Variants in KDM6A observed in about 807,000 individuals in gnomAD.
The protein encoded by KDM6A is lysine-specific demethylase 6A.
A neutral mutation model predicts 117.6 loss-of-function variants in KDM6A; 11 were observed. The ratio of observed to expected loss-of-function variants is 0.09; its 90% CI spans 0.06 to 0.15. KDM6A has a LOEUF of 0.15. Among genes scored for constraint, KDM6A ranks in the 10% least tolerant of loss-of-function variants. The pLI is 1.00. For synonymous variants in KDM6A, 384 were observed against 396.1 expected (o/e 0.97, Z 0.36); for missense variants, 799 against 1,077.3 (o/e 0.74, Z 3.62).
intron 10 of KDM6A, 97 bp from the exon 11 acceptor site, chrX:45,058,909 T>C: frequency 1.4e-6 from 1 of 701,570 alleles, no homozygotes; most frequent in Non-Finnish European, 2.2e-6. Flanking sequence ...TTTAAAAAAA[T>C]TTGCTGTGAT....
At chrX:44,968,221 G>T (rs1267188437) in intron 3 of KDM6A, among the ~76,000 whole-genome samples, 1 of 112,450 alleles carries the variant, frequency 8.9e-6, no homozygotes, top group African/African-American at 3.2e-5. Context: ...ATTGAACATG[G>T]GCCAGCCTGA....
chrX:44,986,306 CTTT>C (rs1270334757), intron 4 of KDM6A, among the ~76,000 whole-genome samples: 1 of 111,284 alleles, frequency 9.0e-6, no homozygotes, highest in Non-Finnish European at 1.9e-5. Context: ...CTCTTTTCTT[CTTT>C]ATTAGTCTTG....
intron 2 of KDM6A, among the ~76,000 whole-genome samples, chrX:44,921,596 G>A (rs2035940812): frequency 9.0e-6 from 1 of 111,296 alleles, no homozygotes; most frequent in African/African-American, 3.3e-5. Context: ...TTCTGATGGT[G>A]GCATAGTCTC....
chrX:44,906,529 G>T (rs1395079836), intron 2 of KDM6A, among the ~76,000 whole-genome samples: 4 of 109,167 alleles, frequency 3.7e-5, no homozygotes, highest in Non-Finnish European at 3.8e-5. Flanking sequence ...TCCCTTAATC[G>T]TTTAGAGGTA....
chrX:45,085,351 A>G (rs2045598903), intron 24 of KDM6A, among the ~76,000 whole-genome samples: 1 of 111,747 alleles, frequency 8.9e-6, no homozygotes, highest in Admixed American at 9.5e-5. Flanking sequence ...TTATCAGAGT[A>G]TTAAATGCAT....
At chrX:44,899,286 AG>A (rs1432930044) in intron 2 of KDM6A, among the ~76,000 whole-genome samples, 1 of 98,001 alleles carries the variant, frequency 1.0e-5, no homozygotes, top group Non-Finnish European at 2.0e-5. Context: ...ATTTAGCTCA[AG>A]TAAGATGGGT....
At chrX:45,039,307 A>C (rs894406947) in intron 8 of KDM6A, among the ~76,000 whole-genome samples, 12 of 109,598 alleles carry the variant, frequency 1.1e-4, no homozygotes, top group Non-Finnish European at 2.3e-4. Flanking sequence ...AAAGAAGCAG[A>C]AGTTTTTTTA....
intron 2 of KDM6A, among the ~76,000 whole-genome samples, chrX:44,920,855 TTC>T (rs2035880758): frequency 1.8e-5 from 2 of 108,306 alleles, no homozygotes; most frequent in Non-Finnish European, 3.9e-5. Flanking sequence ...TTTTAATTTT[TTC>T]TTTTTTTTCT....
At chrX:44,879,894 T>C (rs1357474113) in intron 2 of KDM6A, among the ~76,000 whole-genome samples, 1 of 111,928 alleles carries the variant, frequency 8.9e-6, no homozygotes, top group Non-Finnish European at 1.9e-5. Context: ...ATTTTAAGGC[T>C]GGGTGTGGTG....
At chrX:44,924,069 G>A (rs1372990209) in intron 2 of KDM6A, among the ~76,000 whole-genome samples, 2 of 112,098 alleles carry the variant, frequency 1.8e-5, no homozygotes, top group East Asian at 5.6e-4. Context: ...TCAAGACATT[G>A]TAATTTTTGT....
rs1050115301 is a variant in KDM6A at position 44,913,522 on chromosome X, C to T, written c.225+39535C>T. On this transcript the variant is annotated intron_variant, in intron 2 of 29. Coordinates refer to ENST00000611820, the MANE Select transcript of KDM6A (RefSeq NM_001291415.2). ...TTCACCATGTTGGCCAGGCTGGTCT[C>T]GAACTCCTGACCTCAGGTGATCTGC... Among the ~76,000 whole-genome samples the T allele has an allele frequency of 3.7e-5, 4 of 109,564 alleles. No homozygotes were observed. The East Asian group carries it at 8.6e-4, about 24-fold the overall frequency.
In KDM6A at chrX:44,966,479, G is replaced by A. The variant is rs754381933; in HGVS notation, c.334+5087G>A. The stretch of plus-strand genomic sequence containing the variant: ...TTGGTTATGAAGGTAATGAATCCAA[G>A]GAGATTGATCTTGGATATGTGTTTT... On this transcript the variant is annotated intron_variant, in intron 3 of 29. Transcript: ENST00000611820. Among the ~76,000 whole-genome samples, 4 of 111,198 alleles carry A rather than the reference G, an allele frequency of 3.6e-5. No homozygotes were observed. In the South Asian group the frequency reaches 1.5e-3, roughly 42 times the overall value.
At position 44,913,378 on chromosome X, in the gene KDM6A, G is replaced by C. The variant is rs12012270; in HGVS notation, c.225+39391G>C. ...CAGTGGTGTGATCTTGGCTCACTGC[G>C]ACCTCCGCCTCCTGGGTTCGAGCGA... On this transcript the variant is annotated intron_variant, in intron 2 of 29. Coordinates refer to ENST00000611820, the MANE Select transcript of KDM6A (RefSeq NM_001291415.2). Among the ~76,000 whole-genome samples, 571 of 102,564 alleles carry C rather than the reference G, an allele frequency of 5.6e-3. 5 individuals are homozygous for C. Among genetic ancestry groups the C allele is most frequent in the African/African-American group, 0.019 (536 of 27,619 alleles). 89.1% of individuals were successfully genotyped at this position (102,564 alleles called of 115,157 possible). A position where few individuals can be genotyped will look rare whatever the true frequency, so the allele number is the denominator to read the frequency against.
intron 10 of KDM6A, among the ~76,000 whole-genome samples, chrX:45,058,080 C>G (rs988794860): frequency 5.3e-5 from 4 of 76,064 alleles, no homozygotes; most frequent in East Asian, 5.1e-4. Context: ...TACTCTCCCC[C>G]CCCCCCCTTT....
rs141252455 is a variant in KDM6A, at chrX:45,072,532, A to G, written c.2858+2175A>G. On this transcript the variant is annotated intron_variant, in intron 18 of 29. Coordinates refer to ENST00000611820, the MANE Select transcript of KDM6A (RefSeq NM_001291415.2). ...ATGCTACACTTGGCTCTCCTTAGACAGTGCCTTGATTCACTGCCAGTTTGA... is the reference window on the plus strand; with the variant it reads ...ATGCTACACTTGGCTCTCCTTAGACGGTGCCTTGATTCACTGCCAGTTTGA... Among the ~76,000 whole-genome samples the G allele has an allele frequency of 8.1e-5, 9 of 110,777 alleles. No individual in the cohort carries two copies. In the East Asian group the frequency reaches 1.7e-3, roughly 21 times the overall value.
At chrX:44,909,961 T>C (rs1340597860) in intron 2 of KDM6A, among the ~76,000 whole-genome samples, 2 of 112,359 alleles carry the variant, frequency 1.8e-5, no homozygotes, top group Non-Finnish European at 3.8e-5. Flanking sequence ...TAACACAGTA[T>C]AATAACCTTT....
chrX:45,030,701 A>G (rs1474175062), intron 6 of KDM6A, among the ~76,000 whole-genome samples: 1 of 110,728 alleles, frequency 9.0e-6, no homozygotes, highest in Non-Finnish European at 1.9e-5. Context: ...CTTTTATTTT[A>G]TTTTTTAATA....
intron 2 of KDM6A, among the ~76,000 whole-genome samples, chrX:44,874,581 C>T (rs980479723): frequency 3.6e-5 from 4 of 111,321 alleles, no homozygotes; most frequent in African/African-American, 1.3e-4. Context: ...GTCTTTTTGG[C>T]ATAGAAATAC....
At chrX:45,083,796 C>G (rs768935773) in intron 24 of KDM6A, among the ~76,000 whole-genome samples, 188 bp downstream of exon 24, 19 of 110,988 alleles carry the variant, frequency 1.7e-4, no homozygotes, top group Non-Finnish European at 3.6e-4. Context: ...AGTGTAATAG[C>G]CCAGAAACAT....
Sources: gnomAD v4.1 joint callset for allele counts (sites outside exome capture counted in the v4.1 genomes callset) on GRCh38, gnomAD v4.1.1 for gene constraint, MANE v1.5 for transcripts, NCBI Gene and HGNC (gene_info 2026-07-23, HGNC 2026-07-21) for gene names.